The following GSK3B variants were observed in gnomAD, a reference collection of about 807,000 sequenced individuals.
GSK3B encodes the protein glycogen synthase kinase 3 beta.
In GSK3B, 15 loss-of-function variants were observed where a neutral mutation model predicts 56.4. That is an observed-to-expected ratio of 0.27 (90% confidence interval 0.18 to 0.41). The LOEUF (loss-of-function observed/expected upper bound fraction) is 0.41, where lower values mean the gene tolerates loss of function less well. Ranked by LOEUF, GSK3B falls within the 10% of genes least tolerant of loss-of-function variation. The pLI, the probability that GSK3B is intolerant of heterozygous loss-of-function variation, is 1.00. For synonymous variants in GSK3B, 181 were observed against 188.9 expected, an observed-to-expected ratio of 0.96 and a Z score of 0.34; for missense variants, 300 against 513.4, an observed-to-expected ratio of 0.58 and a Z score of 4.02.
At chr3:119,887,203 T>A (rs992355971) in intron 7 of GSK3B, among the ~76,000 whole-genome samples, 1 of 152,110 alleles carries the variant, frequency 6.6e-6, no homozygotes, top group Non-Finnish European at 1.5e-5. Flanking sequence ...ATTATTTTTT[T>A]AAAAGGCCAT....
chr3:119,984,108 T>C (rs552138628), intron 2 of GSK3B, among the ~76,000 whole-genome samples: 2 of 152,264 alleles, frequency 1.3e-5, no homozygotes, highest in African/African-American at 4.8e-5. Context: ...GAATGACTAC[T>C]GGGTACATAA....
At chr3:120,088,707 G>A (rs139904448) in intron 1 of GSK3B, among the ~76,000 whole-genome samples, 22 of 152,338 alleles carry the variant, frequency 1.4e-4, no homozygotes, top group Non-Finnish European at 3.2e-4. Flanking sequence ...TGGTGATTAT[G>A]TTCTTAGAAG....
Position 119,822,541 on chromosome 3 carries a change from C to A in GSK3B, c.*4247G>T, listed in dbSNP as rs2055428927. 2 of 227,934 alleles carry A rather than the reference C, an allele frequency of 8.8e-6. No homozygotes were observed. The highest frequency in any genetic ancestry group is 1.8e-4 in the South Asian group (1 of 5,504). The allele number at this position is 227,934 out of a possible 1,614,324, so 14.1% of individuals were successfully genotyped here. A position where few individuals can be genotyped will look rare whatever the true frequency, so the allele number is the denominator to read the frequency against. ...ATTGCAGAGGTGCAAAACGGAGCAA[C>A]AAACTTGAATAAAACGGCATAACCC... On this transcript the variant is annotated 3_prime_UTR_variant, in exon 11 of 11. Transcript: ENST00000264235.
At chr3:119,990,449 C>T (rs552200498) in intron 2 of GSK3B, among the ~76,000 whole-genome samples, 8 of 152,298 alleles carry the variant, frequency 5.3e-5, no homozygotes, top group Admixed American at 1.3e-4. Flanking sequence ...AGCCACATTT[C>T]GTGTTTCTTT....
intron 1 of GSK3B, among the ~76,000 whole-genome samples, chr3:120,009,862 C>T (rs1009738316): frequency 6.6e-6 from 1 of 151,964 alleles, no homozygotes; most frequent in Non-Finnish European, 1.5e-5. Context: ...AAAGATGGCA[C>T]TCATGACAGA....
rs578081876 is a variant in GSK3B, at chr3:119,969,800, T to C, written c.283-22449A>G. On this transcript the variant is annotated intron_variant, in intron 2 of 10. Transcript: ENST00000264235. ...ACGGTTTCATTTTCCGTGGATACATTTTCCACAATTTCAGTTAACCACAGT... is the reference window on the plus strand; with the variant it reads ...ACGGTTTCATTTTCCGTGGATACATCTTCCACAATTTCAGTTAACCACAGT... Among the ~76,000 whole-genome samples the C allele has an allele frequency of 2.4e-4, 37 of 152,316 alleles. No homozygotes were observed. The Middle Eastern group carries it at 0.01, about 42-fold the overall frequency.
At chr3:120,090,847 T>G (rs903194701) in intron 1 of GSK3B, among the ~76,000 whole-genome samples, 3 of 152,142 alleles carry the variant, frequency 2.0e-5, no homozygotes, top group Non-Finnish European at 4.4e-5. Context: ...TCAGCTAACT[T>G]TCTCTTATTT....
chr3:119,922,220 A>AGGAGGGAG (rs1280326048), intron 4 of GSK3B, among the ~76,000 whole-genome samples: 8 of 105,064 alleles, frequency 7.6e-5, no homozygotes, highest in African/African-American at 3.5e-4. Flanking sequence ...GAAGGAAGGA[A>AGGAGGGAG]GGAAGGAGGG....
At chr3:119,877,793 C>T (rs1294212937) in intron 7 of GSK3B, among the ~76,000 whole-genome samples, 4 of 152,058 alleles carry the variant, frequency 2.6e-5, no homozygotes, top group Non-Finnish European at 4.4e-5. Context: ...ATACTAGGTA[C>T]TGAACAAAAG....
At chr3:119,948,489 T>C (rs1334766253) in intron 2 of GSK3B, among the ~76,000 whole-genome samples, 1 of 152,238 alleles carries the variant, frequency 6.6e-6, no homozygotes, top group African/African-American at 2.4e-5. Flanking sequence ...TTCCATTACT[T>C]GTTAGTAAAA....
rs375909335 is a variant in GSK3B, at chr3:119,895,747, A to G, written c.813+10008T>C. 2.6e-5 allele frequency among the ~76,000 whole-genome samples: 4 copies of G among 152,234 alleles called. No homozygotes were observed. The South Asian group carries it at 6.2e-4, about 24-fold the overall frequency. On this transcript the variant is annotated intron_variant, in intron 7 of 10. Coordinates refer to ENST00000264235, the MANE Select transcript of GSK3B (RefSeq NM_001146156.2). ...ATAAAGGTTTATTTCTAGACTCTCC[A>G]TTCTACTTAATTGATCTGTATGGCT...
chr3:120,086,807 A>G (rs2107583284), intron 1 of GSK3B, among the ~76,000 whole-genome samples: 1 of 152,272 alleles, frequency 6.6e-6, no homozygotes, highest in Non-Finnish European at 1.5e-5. Context: ...TCTCCAAAAA[A>G]AAAAAAAAAT....
intron 4 of GSK3B, among the ~76,000 whole-genome samples, chr3:119,922,173 T>C (rs1576201463): frequency 8.9e-6 from 1 of 112,296 alleles, no homozygotes; most frequent in African/African-American, 3.9e-5. Context: ...AGGAGGTAGG[T>C]TAGGTAGGTA....
chr3:119,894,088 T>A (rs2056534582), intron 7 of GSK3B, among the ~76,000 whole-genome samples: 1 of 152,126 alleles, frequency 6.6e-6, no homozygotes. Context: ...GTCTCCACAA[T>A]CTGTCTCTTC....
chr3:119,887,505 T>C (rs1283639426), intron 7 of GSK3B, among the ~76,000 whole-genome samples: 1 of 151,870 alleles, frequency 6.6e-6, no homozygotes, highest in African/African-American at 2.4e-5. Flanking sequence ...GTATGTGAAA[T>C]TAAAACTTCA....
At chr3:120,019,100 G>GCAT (rs2057850762) in intron 1 of GSK3B, among the ~76,000 whole-genome samples, 1 of 151,982 alleles carries the variant, frequency 6.6e-6, no homozygotes. Context: ...ATAGTTTTAG[G>GCAT]CATCTGTTGA....
chr3:120,019,919 G>C (rs1258054829), intron 1 of GSK3B, among the ~76,000 whole-genome samples: 1 of 152,120 alleles, frequency 6.6e-6, no homozygotes, highest in Non-Finnish European at 1.5e-5. Flanking sequence ...GGCTTCACTA[G>C]GCTTTTGTAG....
chr3:120,035,785 T>C (rs2058017534), intron 1 of GSK3B, among the ~76,000 whole-genome samples: 1 of 152,230 alleles, frequency 6.6e-6, no homozygotes. Flanking sequence ...TTTGCTCATT[T>C]CTACTGTACA....
rs1172176097 is a variant in GSK3B at position 119,934,733 on chromosome 3, C to T, written c.367-11250G>A. Among the ~76,000 whole-genome samples the T allele has an allele frequency of 2.0e-5, 3 of 151,952 alleles. No homozygotes were observed. In the East Asian group the frequency reaches 5.8e-4, roughly 29 times the overall value. ...GGGTCTGTCCATATAGACATAAAAGCCCTATTACTGTATTGTTGGTAAAAA... is the reference window on the plus strand; with the variant it reads ...GGGTCTGTCCATATAGACATAAAAGTCCTATTACTGTATTGTTGGTAAAAA... On this transcript the variant is annotated intron_variant, in intron 3 of 10. Coordinates refer to ENST00000264235, the MANE Select transcript of GSK3B (RefSeq NM_001146156.2).
Sources: gnomAD v4.1 joint callset for allele counts (sites outside exome capture counted in the v4.1 genomes callset) on GRCh38, gnomAD v4.1.1 for gene constraint, MANE v1.5 for transcripts, NCBI Gene and HGNC (gene_info 2026-07-23, HGNC 2026-07-21) for gene names.